The following CDH12 variants were observed in gnomAD, a reference collection of about 807,000 sequenced individuals.
The protein encoded by CDH12 is cadherin 12.
CDH12 carries 41 observed loss-of-function variants against 74.1 expected under a neutral mutation model. The ratio of observed to expected loss-of-function variants is 0.55; its 90% CI spans 0.43 to 0.72. CDH12 has a LOEUF of 0.72. Among genes scored for constraint, CDH12 ranks in the 30% least tolerant of loss-of-function variants. The pLI is 0.00. For synonymous variants in CDH12, 399 were observed against 355.0 expected (o/e 1.12, Z -1.39); for missense variants, 945 against 977.2 (o/e 0.97, Z 0.44).
At chr5:22,405,122 A>G (rs1742885991) in intron 3 of CDH12, 135 bp downstream of exon 3, 1 of 157,004 alleles carries the variant, frequency 6.4e-6, no homozygotes, top group Non-Finnish European at 1.4e-5. Context: ...AGGCAGGAAA[A>G]TGGCTTGAAC....
chr5:21,905,558 C>T (rs1347858793), intron 6 of CDH12, among the ~76,000 whole-genome samples: 2 of 152,202 alleles, frequency 1.3e-5, no homozygotes, highest in East Asian at 3.8e-4. Context: ...AATTACCAGG[C>T]TCTGGCCACC....
Position 21,985,606 on chromosome 5 carries a change from C to A in CDH12, c.232-10221G>T, listed in dbSNP as rs1215792291. On this transcript the variant is annotated intron_variant, in intron 5 of 14. Coordinates refer to ENST00000382254, the MANE Select transcript of CDH12 (RefSeq NM_004061.5). ...TACACACAGGGTTTACTCATTTAAA[C>A]CAGTCAATATGAGTATAAGAAAATT... 5.3e-5 allele frequency among the ~76,000 whole-genome samples: 8 copies of A among 152,016 alleles called. No homozygotes were observed. In the East Asian group the frequency reaches 1.5e-3, roughly 29 times the overall value.
intron 1 of CDH12, among the ~76,000 whole-genome samples, chr5:22,822,408 T>C (rs1451139658): frequency 2.0e-5 from 3 of 152,038 alleles, no homozygotes; most frequent in Non-Finnish European, 4.4e-5. Flanking sequence ...AAAGAGCTTC[T>C]GCACAGCAAA....
chr5:21,752,341 ACCT>A, intron 14 of CDH12, 105 bp from the exon 15 acceptor site: 1 of 896,712 alleles, frequency 1.1e-6, no homozygotes, highest in Non-Finnish European at 1.7e-6. Context: ...TTCGTGAATG[ACCT>A]CCTGTTACTT....
chr5:22,315,118 G>GCT, intron 3 of CDH12, among the ~76,000 whole-genome samples: 1 of 9,402 alleles, frequency 1.1e-4, no homozygotes, highest in Non-Finnish European at 2.4e-4. Flanking sequence ...TGCCTGCCTG[G>GCT]CTTTTTTTTT....
chr5:21,982,955 C>T (rs1307278200), intron 5 of CDH12, among the ~76,000 whole-genome samples: 1 of 151,960 alleles, frequency 6.6e-6, no homozygotes, highest in Admixed American at 6.6e-5. Flanking sequence ...CTTCTGAGGT[C>T]TGACATCAAA....
chr5:22,389,330 T>A (rs1742132575), intron 3 of CDH12, among the ~76,000 whole-genome samples: 1 of 152,144 alleles, frequency 6.6e-6, no homozygotes, highest in African/African-American at 2.4e-5. Flanking sequence ...AAAAAGACCT[T>A]ATGGGATAAG....
intron 3 of CDH12, among the ~76,000 whole-genome samples, chr5:22,350,379 A>G (rs1159322498): frequency 6.6e-6 from 1 of 152,214 alleles, no homozygotes; most frequent in Non-Finnish European, 1.5e-5. Flanking sequence ...AAGCAGATGT[A>G]AACTTGAACT....
At chr5:22,159,920 T>C (rs11957039) in intron 4 of CDH12, among the ~76,000 whole-genome samples, 70,624 of 151,826 alleles carry the variant, frequency 0.47, 16,698 homozygotes, top group Admixed American at 0.54. Flanking sequence ...TGTGTGCGTG[T>C]GTGCGTGCAT....
At chr5:22,533,054 ATAGATG>A (rs916250358) in intron 1 of CDH12, among the ~76,000 whole-genome samples, 11 of 152,108 alleles carry the variant, frequency 7.2e-5, no homozygotes, top group Admixed American at 6.6e-5. Flanking sequence ...ATCAAAGAAA[ATAGATG>A]TTCCCAGGTA....
chr5:22,473,892 C>A (rs1008533203), intron 2 of CDH12, among the ~76,000 whole-genome samples: 1 of 152,040 alleles, frequency 6.6e-6, no homozygotes, highest in Non-Finnish European at 1.5e-5. Flanking sequence ...GGTTGAAATT[C>A]AATCTGAGTA....
At chr5:21,810,076 G>C (rs1747665417) in intron 9 of CDH12, among the ~76,000 whole-genome samples, 1 of 152,046 alleles carries the variant, frequency 6.6e-6, no homozygotes, top group African/African-American at 2.4e-5. Context: ...CAATGATTTT[G>C]CTGTACTTGG....
At chr5:22,155,098 C>G (rs1747939968) in intron 4 of CDH12, among the ~76,000 whole-genome samples, 1 of 152,148 alleles carries the variant, frequency 6.6e-6, no homozygotes, top group Non-Finnish European at 1.5e-5. Context: ...GAACTGCCCT[C>G]ATATTGAATC....
At chr5:22,125,343 G>A (rs1171384353) in intron 4 of CDH12, among the ~76,000 whole-genome samples, 1 of 152,050 alleles carries the variant, frequency 6.6e-6, no homozygotes, top group Non-Finnish European at 1.5e-5. Flanking sequence ...TCCCACTTAT[G>A]AGTGAGAACA....
At chr5:21,761,105 T>G (rs1744692480) in intron 12 of CDH12, among the ~76,000 whole-genome samples, 1 of 152,146 alleles carries the variant, frequency 6.6e-6, no homozygotes, top group Non-Finnish European at 1.5e-5. Context: ...TTTGTAACAA[T>G]GGCTCTATTT....
At position 22,153,885 on chromosome 5, in the gene CDH12, TATAA is replaced by T. The variant is rs1326082801; in HGVS notation, c.-187+58609_-187+58612del. 8.0e-3 allele frequency among the ~76,000 whole-genome samples: 499 copies of T among 62,654 alleles called. 3 individuals carry two copies. Among genetic ancestry groups the T allele is most frequent in the African/African-American group, 0.021 (455 of 21,326 alleles). 41.1% of individuals were successfully genotyped at this position (62,654 alleles called of 152,430 possible). A position where few individuals can be genotyped will look rare whatever the true frequency, so the allele number is the denominator to read the frequency against. ...ATATATATATATGTATATATATATATATAAATATATATATATATACACACACATA... is the reference window on the plus strand; with the variant it reads ...ATATATATATATGTATATATATATATATATATATATATATACACACACATA... On this transcript the variant is annotated intron_variant, in intron 4 of 14. Transcript: ENST00000382254.
chr5:22,468,421 G>C (rs1423194768), intron 2 of CDH12, among the ~76,000 whole-genome samples: 2 of 151,976 alleles, frequency 1.3e-5, no homozygotes, highest in Non-Finnish European at 2.9e-5. Flanking sequence ...CACTAAAATA[G>C]TTAAATAACA....
chr5:22,559,707 C>T (rs1048055443), intron 1 of CDH12, among the ~76,000 whole-genome samples: 1 of 152,058 alleles, frequency 6.6e-6, no homozygotes, highest in Non-Finnish European at 1.5e-5. Flanking sequence ...ACAGCTGGGT[C>T]TATAATCACA....
intron 1 of CDH12, among the ~76,000 whole-genome samples, chr5:22,704,006 C>G (rs1742853327): frequency 6.6e-6 from 1 of 152,132 alleles, no homozygotes; most frequent in Non-Finnish European, 1.5e-5. Context: ...GTCCACTCAC[C>G]AAAGGCGGGG....
Sources: allele counts gnomAD v4.1 joint callset (sites outside exome capture counted in the v4.1 genomes callset), GRCh38; gene constraint gnomAD v4.1.1; transcripts MANE v1.5; gene names NCBI Gene and HGNC (gene_info 2026-07-23, HGNC 2026-07-21).